Variants in ZNF804A observed in about 807,000 individuals in gnomAD.
The protein encoded by ZNF804A is zinc finger protein 804A.
A neutral mutation model predicts 16.5 loss-of-function variants in ZNF804A; 2 were observed. The ratio of observed to expected loss-of-function variants is 0.12; its 90% confidence interval spans 0.05 to 0.38. The LOEUF (loss-of-function observed/expected upper bound fraction) is 0.38. ZNF804A is among the 10% of genes least tolerant of loss of function. The pLI, the probability that ZNF804A is intolerant of heterozygous loss-of-function variation, is 0.99. For synonymous variants in ZNF804A, 534 were observed against 489.6 expected (o/e 1.09, Z -1.20); for missense variants, 1,473 against 1,390.7 (o/e 1.06, Z -0.94).
chr2:184,644,721 A>G (rs1045278559), intron 1 of ZNF804A, among the ~76,000 whole-genome samples: 1 of 152,048 alleles, frequency 6.6e-6, no homozygotes, highest in African/African-American at 2.4e-5. Flanking sequence ...GAAGAGATAA[A>G]CAAGATACTG....
chr2:184,829,306 A>G (rs6434105), intron 1 of ZNF804A, among the ~76,000 whole-genome samples: 9,881 of 151,980 alleles, frequency 0.065, 1,103 homozygotes, highest in African/African-American at 0.22. Flanking sequence ...AGTATGTTAG[A>G]ATAAATAATT....
At chr2:184,830,847 G>T (rs1695252855) in intron 1 of ZNF804A, among the ~76,000 whole-genome samples, 1 of 152,074 alleles carries the variant, frequency 6.6e-6, no homozygotes, top group Non-Finnish European at 1.5e-5. Context: ...ATGGAATCTG[G>T]CTTGGGTACA....
chr2:184,765,860 G>T (rs530424150), intron 1 of ZNF804A, among the ~76,000 whole-genome samples: 1 of 152,060 alleles, frequency 6.6e-6, no homozygotes, highest in Non-Finnish European at 1.5e-5. Flanking sequence ...ACAACAAGTA[G>T]TATTTTATTT....
At chr2:184,898,076 A>G (rs1301088115) in intron 2 of ZNF804A, among the ~76,000 whole-genome samples, 3 of 152,164 alleles carry the variant, frequency 2.0e-5, no homozygotes, top group African/African-American at 7.2e-5. Flanking sequence ...TGGGGTACAA[A>G]TCATAAACCA....
At chr2:184,917,435 T>TAATATGTATTATA (rs1685466658) in intron 2 of ZNF804A, among the ~76,000 whole-genome samples, 1 of 151,894 alleles carries the variant, frequency 6.6e-6, no homozygotes, top group Non-Finnish European at 1.5e-5. Context: ...TTATGTCATA[T>TAATATGTATTATA]CATAAAAGGA....
At chr2:184,633,411 A>G (rs1691643947) in intron 1 of ZNF804A, among the ~76,000 whole-genome samples, 1 of 152,100 alleles carries the variant, frequency 6.6e-6, no homozygotes, top group Non-Finnish European at 1.5e-5. Flanking sequence ...AAATTGCTCT[A>G]TTTCCCACCA....
chr2:184,669,596 AT>A (rs2105711466), intron 1 of ZNF804A, among the ~76,000 whole-genome samples: 1 of 152,198 alleles, frequency 6.6e-6, no homozygotes, highest in East Asian at 1.9e-4. Context: ...AAAATGGCTG[AT>A]GAGTAGTTGT....
chr2:184,846,988 G>A (rs554585729), intron 1 of ZNF804A, among the ~76,000 whole-genome samples: 1 of 152,234 alleles, frequency 6.6e-6, no homozygotes, highest in Admixed American at 6.6e-5. Context: ...TGGTCCAATA[G>A]TTTTTATCAG....
At chr2:184,770,854 A>G (rs1206591491) in intron 1 of ZNF804A, among the ~76,000 whole-genome samples, 3 of 152,058 alleles carry the variant, frequency 2.0e-5, no homozygotes, top group Non-Finnish European at 1.5e-5. Flanking sequence ...AATAATTCTG[A>G]ATATATAAAT....
intron 2 of ZNF804A, among the ~76,000 whole-genome samples, chr2:184,917,251 C>T (rs930387215): frequency 1.3e-5 from 2 of 152,144 alleles, no homozygotes; most frequent in Admixed American, 1.3e-4. Context: ...AGGTCACACT[C>T]TGTCTAACAT....
At chr2:184,895,473 A>AAC (rs915913356) in intron 2 of ZNF804A, among the ~76,000 whole-genome samples, 2 of 152,148 alleles carry the variant, frequency 1.3e-5, no homozygotes, top group East Asian at 1.9e-4. Flanking sequence ...AAGCAGAGAG[A>AAC]ACACACACAC....
Position 184,599,322 on chromosome 2 carries a change from T to C in ZNF804A, c.111+252T>C, listed in dbSNP as rs1200271587. 3.9e-5 allele frequency among the ~76,000 whole-genome samples: 6 copies of C among 152,256 alleles called. No individual in the cohort carries two copies. In the East Asian group the frequency reaches 9.7e-4, roughly 25 times the overall value. ...TCCATTAAGCTGAAGATTACCACAGTCTCTCCTTATTTGAAGCAAATGTGT... is the reference window on the plus strand; with the variant it reads ...TCCATTAAGCTGAAGATTACCACAGCCTCTCCTTATTTGAAGCAAATGTGT... On this transcript the variant is annotated intron_variant, in intron 1 of 3. Coordinates refer to ENST00000302277, the MANE Select transcript of ZNF804A (RefSeq NM_194250.2).
At chr2:184,893,334 A>C (rs1431571299) in intron 2 of ZNF804A, among the ~76,000 whole-genome samples, 2 of 151,978 alleles carry the variant, frequency 1.3e-5, no homozygotes, top group African/African-American at 4.8e-5. Flanking sequence ...TTATCTATTC[A>C]GTTGTTGTTT....
At chr2:184,820,335 G>A (rs1428490627) in intron 1 of ZNF804A, among the ~76,000 whole-genome samples, 1 of 152,124 alleles carries the variant, frequency 6.6e-6, no homozygotes, top group Admixed American at 6.6e-5. Flanking sequence ...TATCTCAATA[G>A]ATGCAGGAAA....
intron 1 of ZNF804A, among the ~76,000 whole-genome samples, chr2:184,823,603 C>T (rs976499853): frequency 6.6e-6 from 1 of 151,980 alleles, no homozygotes; most frequent in African/African-American, 2.4e-5. Flanking sequence ...AACAAATATG[C>T]CATTAATGTG....
At chr2:184,757,012 G>C (rs553323657) in intron 1 of ZNF804A, among the ~76,000 whole-genome samples, 1 of 151,854 alleles carries the variant, frequency 6.6e-6, no homozygotes, top group Non-Finnish European at 1.5e-5. Context: ...TTTCCTCTAC[G>C]TCTGGTTTAA....
At chr2:184,804,076 G>A (rs796082851) in intron 1 of ZNF804A, among the ~76,000 whole-genome samples, 5 of 152,170 alleles carry the variant, frequency 3.3e-5, no homozygotes, top group African/African-American at 1.2e-4. Flanking sequence ...ATGTTGGTCA[G>A]GCTGGTCTTG....
chr2:184,818,746 T>TGCAATTCTA (rs1187944652), intron 1 of ZNF804A, among the ~76,000 whole-genome samples: 2 of 151,880 alleles, frequency 1.3e-5, no homozygotes, highest in Non-Finnish European at 2.9e-5. Context: ...AAGCAGGAGT[T>TGCAATTCTA]GCAATTCTAG....
chr2:184,843,049 T>C lies in ZNF804A; in HGVS notation c.112-23320T>C, dbSNP rs190765351. Among the ~76,000 whole-genome samples the C allele has an allele frequency of 3.3e-4, 50 of 152,170 alleles. No homozygotes were observed. In the Middle Eastern group the frequency reaches 0.021, roughly 63 times the overall value. On this transcript the variant is annotated intron_variant, in intron 1 of 3. Coordinates refer to ENST00000302277, the MANE Select transcript of ZNF804A (RefSeq NM_194250.2). ...TTAGTTCAGTCAGAATAGCAGATGCTCTTGGTTTCCCATTCATACTCACAA... is the reference window on the plus strand; with the variant it reads ...TTAGTTCAGTCAGAATAGCAGATGCCCTTGGTTTCCCATTCATACTCACAA...
Sources: allele counts gnomAD v4.1 joint callset (sites outside exome capture counted in the v4.1 genomes callset), GRCh38; gene constraint gnomAD v4.1.1; transcripts MANE v1.5; gene names NCBI Gene and HGNC (gene_info 2026-07-23, HGNC 2026-07-21).